CACNA1A: variants seen among roughly 807,000 people sequenced by gnomAD.
CACNA1A encodes the protein voltage-dependent P/Q-type calcium channel subunit alpha-1A.
CACNA1A carries 57 observed loss-of-function variants against 262.4 expected under a neutral mutation model. The observed-to-expected ratio is 0.22, with a 90% CI of 0.18 to 0.27. The LOEUF is 0.27. CACNA1A is among the 10% of genes least tolerant of loss of function. CACNA1A has a pLI of 1.00. For synonymous variants in CACNA1A, 1,431 were observed against 1,419.3 expected, an observed-to-expected ratio of 1.01 and a Z score of -0.18; for missense variants, 2,526 against 3,562.8, an observed-to-expected ratio of 0.71 and a Z score of 7.41.
intron 8 of CACNA1A, among the ~76,000 whole-genome samples, chr19:13,333,157 C>T (rs190071213): frequency 6.6e-6 from 1 of 152,294 alleles, no homozygotes; most frequent in Non-Finnish European, 1.5e-5. Flanking sequence ...AATGTCCACA[C>T]CACAGCCTAT....
chr19:13,257,591 G>A (rs769827280), intron 27 of CACNA1A, 40 bp from the exon 28 acceptor site: 32 of 1,423,654 alleles, frequency 2.2e-5, no homozygotes, highest in Non-Finnish European at 4.8e-6. Flanking sequence ...GGGCAGGAAG[G>A]AGAGAGACAG....
intron 1 of CACNA1A, among the ~76,000 whole-genome samples, chr19:13,464,389 A>G (rs1046711531): frequency 6.6e-6 from 1 of 152,092 alleles, no homozygotes; most frequent in Non-Finnish European, 1.5e-5. Context: ...ACAGAGCAAG[A>G]CCCTATCTCT....
At chr19:13,493,582 T>C (rs546884557) in intron 1 of CACNA1A, among the ~76,000 whole-genome samples, 3 of 152,242 alleles carry the variant, frequency 2.0e-5, no homozygotes, top group South Asian at 4.1e-4. Flanking sequence ...CTGTTCCTTG[T>C]CATCAACATC....
chr19:13,251,340 A>C (rs1339166620), intron 30 of CACNA1A, among the ~76,000 whole-genome samples: 1 of 150,506 alleles, frequency 6.6e-6, no homozygotes, highest in East Asian at 2.0e-4. Flanking sequence ...ACAATTAGCC[A>C]GGTGTGGTGG....
intron 1 of CACNA1A, among the ~76,000 whole-genome samples, chr19:13,483,477 C>T (rs999663336): frequency 7.2e-5 from 11 of 152,206 alleles, no homozygotes; most frequent in Admixed American, 6.5e-5. Flanking sequence ...GCACCCCGTT[C>T]TCCACCTCCC....
At chr19:13,456,427 C>T (rs2061008017) in intron 1 of CACNA1A, among the ~76,000 whole-genome samples, 1 of 152,096 alleles carries the variant, frequency 6.6e-6, no homozygotes, top group Admixed American at 6.5e-5. Context: ...AATCCCAGAA[C>T]TTTGGGAGGC....
At chr19:13,417,531 G>A (rs2060244181) in intron 3 of CACNA1A, among the ~76,000 whole-genome samples, 1 of 152,132 alleles carries the variant, frequency 6.6e-6, no homozygotes, top group Non-Finnish European at 1.5e-5. Context: ...GCCTGTTTAT[G>A]CCTCACTTTC....
At chr19:13,498,941 G>A (rs1239380554) in intron 1 of CACNA1A, among the ~76,000 whole-genome samples, 1 of 152,180 alleles carries the variant, frequency 6.6e-6, no homozygotes, top group Non-Finnish European at 1.5e-5. Flanking sequence ...TAAGAACTGA[G>A]GCCCAGTGGT....
intron 10 of CACNA1A, among the ~76,000 whole-genome samples, chr19:13,321,774 T>C (rs1048215127): frequency 5.9e-5 from 9 of 152,090 alleles, no homozygotes; most frequent in Admixed American, 3.3e-4. Flanking sequence ...GGACTGGAAG[T>C]TGCTCTTGGT....
intron 3 of CACNA1A, among the ~76,000 whole-genome samples, chr19:13,391,318 A>ATTTTTTTTCCT (rs2059706797): frequency 6.6e-6 from 1 of 151,860 alleles, no homozygotes; most frequent in Non-Finnish European, 1.5e-5. Context: ...ATTCTCCAGC[A>ATTTTTTTTCCT]TTTTTTTTCC....
chr19:13,235,591 C>CTG (rs765512906), intron 32 of CACNA1A, 23 bp downstream of exon 32: 7 of 1,526,034 alleles, frequency 4.6e-6, no homozygotes, highest in Non-Finnish European at 1.8e-6. Context: ...AGCCCTGGGC[C>CTG]AGCAGCAGGG....
intron 3 of CACNA1A, among the ~76,000 whole-genome samples, chr19:13,382,411 C>T (rs144809850): frequency 6.6e-6 from 1 of 152,260 alleles, no homozygotes; most frequent in African/African-American, 2.4e-5. Context: ...GATGCATTAC[C>T]TCACAGCCTC....
chr19:13,262,632 C>A, intron 25 of CACNA1A, 102 bp downstream of exon 25: 1 of 713,822 alleles, frequency 1.4e-6, no homozygotes, highest in East Asian at 2.7e-5. Flanking sequence ...GTTATCAGCA[C>A]CTCCTTTAAT....
In CACNA1A at chr19:13,506,143, C is replaced by T; in HGVS notation, c.82G>A (p.Gly28Arg). Residue 28 changes from glycine to arginine, a missense_variant, in exon 1 of 47, where the codon GGA becomes AGA. Physicochemically the swap from Gly to Arg is moderately radical, Grantham distance 125. This residue lies in a region of CACNA1A where 65 missense variants were observed against 75.6 expected (regional missense o/e 0.86). Coordinates refer to ENST00000360228, the MANE Select transcript of CACNA1A (RefSeq NM_001127222.2). Reference protein sequence around the residue: ...GAAAGVVVGSGGGRGAGGSRQ... With the variant: ...GAAAGVVVGSRGGRGAGGSRQ... ...CTGCCCCCGGCTCCTCGCCCGCCTC[C>T]GCTGCCCACGACCACCCCGGCGGCT... 1 of 1,582,802 alleles carries T rather than the reference C, an allele frequency of 6.3e-7. No individual in the cohort carries two copies. The highest frequency in any genetic ancestry group is 1.3e-5 in the African/African-American group (1 of 74,616).
intron 19 of CACNA1A, among the ~76,000 whole-genome samples, chr19:13,287,630 T>C (rs1412823692): frequency 1.3e-5 from 2 of 151,914 alleles, no homozygotes; most frequent in African/African-American, 2.4e-5. Context: ...GCCTCCTGAG[T>C]AGCTGGGATT....
At chr19:13,323,183 C>T (rs995388115) in intron 10 of CACNA1A, among the ~76,000 whole-genome samples, 3 of 152,110 alleles carry the variant, frequency 2.0e-5, no homozygotes, top group African/African-American at 4.8e-5. Context: ...CCCTTGAACC[C>T]AGGAGGCAGA....
At position 13,253,071 on chromosome 19, in the gene CACNA1A, C is replaced by T. The variant is rs769043258; in HGVS notation, c.4786G>A (p.Ala1596Thr). 20 of 1,613,382 alleles carry T rather than the reference C, an allele frequency of 1.2e-5. No homozygotes were observed. The highest frequency in any genetic ancestry group is 1.6e-4 in the Middle Eastern group (1 of 6,078). ...FYGASVAYEN[A>T]LRVFNIVFTS... Reference sequence around the variant, plus strand: ...AAGACGATGTTGAACACCCGCAGGGCATTTTCATAAGCAACAGAAGCCCCA... The same window carrying T: ...AAGACGATGTTGAACACCCGCAGGGTATTTTCATAAGCAACAGAAGCCCCA... The change falls in exon 30 of 47, where the codon GCC (alanine) becomes ACC (threonine). Residue 1596 changes from alanine (A) to threonine (T), a missense_variant. Ala to Thr is a moderately conservative substitution (Grantham distance 58, BLOSUM62 0). Coordinates refer to ENST00000360228, the MANE Select transcript of CACNA1A (RefSeq NM_001127222.2).
intron 3 of CACNA1A, among the ~76,000 whole-genome samples, chr19:13,413,295 A>C (rs1425504776): frequency 6.6e-6 from 1 of 150,728 alleles, no homozygotes; most frequent in Non-Finnish European, 1.5e-5. Context: ...TTCAGTAGAG[A>C]TGGGGTTTCA....
chr19:13,344,901 C>T (rs566159938), intron 6 of CACNA1A, among the ~76,000 whole-genome samples: 10 of 151,738 alleles, frequency 6.6e-5, no homozygotes, highest in South Asian at 6.3e-4. Flanking sequence ...ATTACAGGCA[C>T]GCACCACCAC....
Sources: allele counts gnomAD v4.1 joint callset (sites outside exome capture counted in the v4.1 genomes callset), GRCh38; gene constraint gnomAD v4.1.1; regional missense constraint gnomAD v4.1.1; transcripts MANE v1.5; gene names NCBI Gene and HGNC (gene_info 2026-07-23, HGNC 2026-07-21).